Variants in RBSN observed in about 807,000 individuals in gnomAD.
RBSN encodes the protein rabenosyn, RAB effector.
In RBSN, 34 loss-of-function variants were observed where a neutral mutation model predicts 60.5. That is an observed-to-expected ratio of 0.56 (90% CI 0.43 to 0.75). RBSN has a LOEUF of 0.75. Ranked by LOEUF, RBSN falls within the 30% of genes least tolerant of loss-of-function variation. RBSN has a pLI of 0.00. For missense variants in RBSN, 845 were observed against 986.8 expected (o/e 0.86, Z 1.92); for synonymous variants, 322 against 366.9 (o/e 0.88, Z 1.40).
intron 5 of RBSN, 62 bp from the exon 6 acceptor site, chr3:15,086,023 T>G (rs2043330626): frequency 6.8e-6 from 9 of 1,315,642 alleles, no homozygotes; most frequent in African/African-American, 1.6e-5. Flanking sequence ...GCCTAGTCTC[T>G]ACCTTGCCTC....
intron 2 of RBSN, among the ~76,000 whole-genome samples, chr3:15,097,414 C>T (rs1200335471): frequency 1.3e-5 from 2 of 152,150 alleles, no homozygotes; most frequent in South Asian, 2.1e-4. Context: ...AGTGGGGGTA[C>T]TGAGGCAGGA....
intron 10 of RBSN, among the ~76,000 whole-genome samples, chr3:15,079,222 C>G (rs1338625067): frequency 6.6e-6 from 1 of 152,186 alleles, no homozygotes; most frequent in Non-Finnish European, 1.5e-5. Context: ...AGTAATCAAA[C>G]ATGGGCATGG....
In RBSN at chr3:15,085,975, A is replaced by T; in HGVS notation, c.290-14T>A. The T allele has an allele frequency of 6.2e-7, 1 of 1,604,236 alleles. No individual in the cohort carries two copies. Among genetic ancestry groups the T allele is most frequent in the South Asian group, 1.1e-5 (1 of 90,886 alleles). On this transcript the variant is annotated splice_polypyrimidine_tract_variant and intron_variant, in intron 5 of 13. Coordinates refer to ENST00000253699, the MANE Select transcript of RBSN (RefSeq NM_022340.4). ...TTCTCACAGCACCTAGAGGGAAGGA[A>T]GGTAGGGAGACAAATGACTTATAGT...
At position 15,072,721 on chromosome 3, in the gene RBSN, A is replaced by ATT. The variant is rs56148180; in HGVS notation, c.*1059_*1060dup. The ATT allele has an allele frequency of 0.11, 16,694 of 151,308 alleles. 1,091 individuals carry two copies. Among genetic ancestry groups the ATT allele is most frequent in the Non-Finnish European group, 0.15 (10,353 of 67,692 alleles). The allele number at this position is 151,308 out of a possible 1,614,324, so 9.4% of individuals were successfully genotyped here. On this transcript the variant is annotated 3_prime_UTR_variant, in exon 14 of 14. Coordinates refer to ENST00000253699, the MANE Select transcript of RBSN (RefSeq NM_022340.4). ...ATCAACCAAAAAGTTAACCACTCTT[A>ATT]TTTTTTTTTGAGACGGAGTCTCACT...
Position 15,096,154 on chromosome 3 carries a change from A to G in RBSN, c.-34T>C. ...CGCTCTCAACCCTAGGAAGGCAGGA[A>G]TCTCATGCCAAGAGTCAGCTTGATT... On this transcript the variant is annotated 5_prime_UTR_variant, in exon 4 of 14. Transcript: ENST00000253699. 1 of 1,527,156 alleles carries G rather than the reference A, an allele frequency of 6.5e-7. No individual in the cohort carries two copies. The highest frequency in any genetic ancestry group is 8.8e-7 in the Non-Finnish European group (1 of 1,140,954). The allele number at this position is 1,527,156 out of a possible 1,614,324, so 94.6% of individuals were successfully genotyped here. A position where few individuals can be genotyped will look rare whatever the true frequency, so the allele number is the denominator to read the frequency against.
intron 9 of RBSN, 30 bp from the exon 10 acceptor site, chr3:15,080,832 A>G (rs1197639807): frequency 3.8e-6 from 6 of 1,590,352 alleles, no homozygotes; most frequent in Middle Eastern, 1.7e-4. Context: ...GGTAAGTGGT[A>G]TGCTCAAGAT....
rs1342533069 is a variant in RBSN, at chr3:15,074,575, T to C, written c.1562A>G (p.Gln521Arg). 2 of 1,614,132 alleles carry C rather than the reference T, an allele frequency of 1.2e-6. No individual in the cohort carries two copies. Among genetic ancestry groups the C allele is most frequent in the Admixed American group, 1.7e-5 (1 of 60,016 alleles). ...QAEEEDLQRE[Q>R]LQMLRERELE... ...CTCCCGTTCACGCAACATCTGCAGC[T>C]GTTCCCGCTGCAGGTCCTCCTCCTC... Residue 521 changes from glutamine (Q) to arginine (R), a missense_variant, in exon 14 of 14, where the codon CAG becomes CGG. Gln to Arg is a conservative substitution (Grantham distance 43, BLOSUM62 1). Transcript: ENST00000253699. The surrounding 1 kb of genome is among the most constrained non-coding windows in gnomAD (Gnocchi z 6.4).
chr3:15,073,722 G>A lies in RBSN; in HGVS notation c.*60C>T. On this transcript the variant is annotated 3_prime_UTR_variant, in exon 14 of 14. Coordinates refer to ENST00000253699, the MANE Select transcript of RBSN (RefSeq NM_022340.4). ...TCCCCATCCATCCTGCCTGCCCTCT[G>A]TCCTGCTCCACTGGCTCCTGCCAGA... The A allele has an allele frequency of 1.3e-6, 2 of 1,538,522 alleles. No individual in the cohort carries two copies. The highest frequency in any genetic ancestry group is 1.7e-6 in the Non-Finnish European group (2 of 1,144,464).
chr3:15,074,034 G>A lies in RBSN; in HGVS notation c.2103C>T (p.Leu701=), dbSNP rs1487035416. Residue 701 remains leucine, a synonymous_variant, in exon 14 of 14, where the codon CTC becomes CTT. Transcript: ENST00000253699. This position sits in a 1 kb window ranked among gnomAD's most constrained non-coding sequence, Gnocchi z 6.4. Reference sequence around the variant, plus strand: ...GGTTACCAGGAACCAGAGGGCTTGAGAGCCTCTGCTGGGGATGTTCGTCTT... The same window carrying A: ...GGTTACCAGGAACCAGAGGGCTTGAAAGCCTCTGCTGGGGATGTTCGTCTT... The part of the protein sequence containing the change: ...SEEDEHPQQR[L]SSPLVPGNPF... 1 of 1,614,132 alleles carries A rather than the reference G, an allele frequency of 6.2e-7. No individual in the cohort carries two copies. The highest frequency in any genetic ancestry group is 1.7e-5 in the Admixed American group (1 of 60,028).
intron 6 of RBSN, among the ~76,000 whole-genome samples, chr3:15,085,357 A>G (rs377486950): frequency 1.3e-5 from 2 of 152,160 alleles, no homozygotes; most frequent in Non-Finnish European, 2.9e-5. Context: ...TCCATTCTCC[A>G]CGGTGCTCCT....
At chr3:15,081,021 T>C (rs767518455) in intron 9 of RBSN, 1 of 518,954 alleles carries the variant, frequency 1.9e-6, no homozygotes, top group East Asian at 3.2e-5. Context: ...TGTTTCGTTT[T>C]GTTTTTTTTT....
chr3:15,094,095 T>C (rs889116839), intron 4 of RBSN, among the ~76,000 whole-genome samples: 1 of 152,168 alleles, frequency 6.6e-6, no homozygotes, highest in African/African-American at 2.4e-5. Flanking sequence ...ATTCTCTAAA[T>C]AACCTTAAAC....
chr3:15,085,253 C>T (rs1029315153), intron 6 of RBSN, among the ~76,000 whole-genome samples: 1 of 152,178 alleles, frequency 6.6e-6, no homozygotes, highest in Non-Finnish European at 1.5e-5. Flanking sequence ...CTATAACCCA[C>T]TTCTAATCTC....
intron 4 of RBSN, among the ~76,000 whole-genome samples, chr3:15,092,592 A>G (rs768300964): frequency 3.3e-5 from 5 of 152,114 alleles, no homozygotes; most frequent in Non-Finnish European, 5.9e-5. Flanking sequence ...TATTTTTTTT[A>G]GTAGAGATGG....
intron 4 of RBSN, chr3:15,095,689 C>G: frequency 3.7e-6 from 2 of 542,146 alleles, no homozygotes; most frequent in Non-Finnish European, 6.4e-6. Context: ...ATTACATTTA[C>G]TAGACTCAAA....
chr3:15,092,738 G>T (rs926257128), intron 4 of RBSN, among the ~76,000 whole-genome samples: 21 of 152,328 alleles, frequency 1.4e-4, no homozygotes, highest in African/African-American at 5.1e-4. Context: ...AGTAACAGGG[G>T]AGAGAAAACT....
chr3:15,091,226 A>T, intron 4 of RBSN: 1 of 422,462 alleles, frequency 2.4e-6, no homozygotes. Flanking sequence ...AAAAAAAAAA[A>T]AAAAAAAAAA....
intron 8 of RBSN, among the ~76,000 whole-genome samples, chr3:15,083,737 A>G (rs901448249): frequency 6.6e-6 from 1 of 152,010 alleles, no homozygotes; most frequent in African/African-American, 2.4e-5. Flanking sequence ...AGCATCTCTC[A>G]TATTATGATA....
intron 10 of RBSN, among the ~76,000 whole-genome samples, chr3:15,079,188 G>A (rs886215791): frequency 6.6e-6 from 1 of 152,132 alleles, no homozygotes; most frequent in African/African-American, 2.4e-5. Flanking sequence ...ACTCTGTCAT[G>A]GTGGTGCAAA....
Sources: allele counts gnomAD v4.1 joint callset (sites outside exome capture counted in the v4.1 genomes callset), GRCh38; gene constraint gnomAD v4.1.1; non-coding constraint Gnocchi (gnomAD v3.1); transcripts MANE v1.5; gene names NCBI Gene and HGNC (gene_info 2026-07-23, HGNC 2026-07-21).